Variants in KDM5C observed in about 807,000 individuals in gnomAD.
The protein encoded by KDM5C is lysine demethylase 5C.
KDM5C carries 16 observed loss-of-function variants against 110.6 expected under a neutral mutation model. The ratio of observed to expected loss-of-function variants is 0.14; its 90% confidence interval spans 0.10 to 0.22. KDM5C has a LOEUF of 0.22. Ranked by LOEUF, KDM5C falls within the 10% of genes least tolerant of loss-of-function variation. The pLI, the probability that KDM5C is intolerant of heterozygous loss-of-function variation, is 1.00. For missense variants in KDM5C, 681 were observed against 1,300.9 expected, an observed-to-expected ratio of 0.52 and a Z score of 7.33; for synonymous variants, 511 against 520.4, an observed-to-expected ratio of 0.98 and a Z score of 0.24.
chrX:53,186,964 A>G (rs1485766135), downstream of KDM5C, among the ~76,000 whole-genome samples: 1 of 112,558 alleles, frequency 8.9e-6, no homozygotes, highest in Non-Finnish European at 1.9e-5. Context: ...CACGTCCCAC[A>G]TAAATAAGCA....
At chrX:53,210,008 A>C (rs2073510927) in intron 12 of KDM5C, among the ~76,000 whole-genome samples, 1 of 112,433 alleles carries the variant, frequency 8.9e-6, no homozygotes, top group South Asian at 3.7e-4. Flanking sequence ...TTGACCATCC[A>C]AAATAAGAAT....
At chrX:53,207,348 G>A (rs2073376245) in intron 12 of KDM5C, among the ~76,000 whole-genome samples, 1 of 111,088 alleles carries the variant, frequency 9.0e-6, no homozygotes, top group Non-Finnish European at 1.9e-5. Context: ...GCATTCTTTT[G>A]TTTCGTACTA....
chrX:53,199,585 C>T (rs1376670909), intron 14 of KDM5C, among the ~76,000 whole-genome samples: 4 of 111,580 alleles, frequency 3.6e-5, no homozygotes, highest in Non-Finnish European at 7.5e-5. Flanking sequence ...CCAGGCACCA[C>T]GCTGGCCACT....
rs781910906 is a variant in KDM5C at position 53,192,835 on chromosome X, G to C, written c.*132C>G. 66 of 1,091,199 alleles carry C rather than the reference G, an allele frequency of 6.0e-5. 1 individual carries two copies. The Admixed American group carries it at 1.5e-3, about 24-fold the overall frequency. 89.9% of individuals were successfully genotyped at this position (1,091,199 alleles called of 1,213,427 possible). A position where few individuals can be genotyped will look rare whatever the true frequency, so the allele number is the denominator to read the frequency against. Reference sequence around the variant, plus strand: ...CAGAATACAAAAGTCAAGGGACTCAGGGGTGGGCGGGTAGCAGGGATGGCC... The same window carrying C: ...CAGAATACAAAAGTCAAGGGACTCACGGGTGGGCGGGTAGCAGGGATGGCC... On this transcript the variant is annotated 3_prime_UTR_variant, in exon 26 of 26. Transcript: ENST00000375401.
chrX:53,199,753 CA>C (rs1556840736), intron 14 of KDM5C, among the ~76,000 whole-genome samples: 1 of 112,131 alleles, frequency 8.9e-6, no homozygotes, highest in Non-Finnish European at 1.9e-5. Context: ...AAAGAAAAAG[CA>C]ATCCATTTCA....
Position 53,196,925 on chromosome X carries a change from C to T in KDM5C, c.2742G>A (p.Glu914=). The part of the protein sequence containing the change: ...LLERGRQLGV[E]VPEAQQLQRQ... The stretch of plus-strand genomic sequence containing the variant: ...GCTGGAGCTGCTGGGCCTCAGGCAC[C>T]TCCACCCCCAGCTGCCGCCCCCTCT... Residue 914 remains glutamate, a synonymous_variant, in exon 19 of 26, where the codon GAG becomes GAA. Coordinates refer to ENST00000375401, the MANE Select transcript of KDM5C (RefSeq NM_004187.5). 8.3e-7 allele frequency: 1 copy of T among 1,201,035 alleles called. No individual in the cohort carries two copies. Among genetic ancestry groups the T allele is most frequent in the Non-Finnish European group, 1.1e-6 (1 of 889,736 alleles).
Position 53,192,868 on chromosome X carries a change from T to TCCCCCCCCCCCC in KDM5C, c.*98_*99insGGGGGGGGGGGG. ...CGGGTAGCAGGGATGGCCACCCCCC[T>TCCCCCCCCCCCC]ACCCGCCCACCCCCCAAGAAGCAGG... On this transcript the variant is annotated 3_prime_UTR_variant, in exon 26 of 26. Coordinates refer to ENST00000375401, the MANE Select transcript of KDM5C (RefSeq NM_004187.5). 1.2e-5 allele frequency: 2 copies of TCCCCCCCCCCCC among 163,418 alleles called. No individual in the cohort carries two copies. The highest frequency in any genetic ancestry group is 1.9e-5 in the Non-Finnish European group (2 of 107,436). 13.5% of individuals were successfully genotyped at this position (163,418 alleles called of 1,213,427 possible).
At chrX:53,190,706 A>G (rs1444030845), downstream of KDM5C, among the ~76,000 whole-genome samples, 7 of 111,770 alleles carry the variant, frequency 6.3e-5, no homozygotes, top group African/African-American at 1.9e-4. Flanking sequence ...TAGGGTCCCA[A>G]CTGGAAGACT....
At position 53,192,805 on chromosome X, in the gene KDM5C, G is replaced by A; in HGVS notation, c.*162C>T. The A allele has an allele frequency of 1.7e-6, 2 of 1,146,535 alleles. No homozygotes were observed. The highest frequency in any genetic ancestry group is 1.2e-6 in the Non-Finnish European group (1 of 859,852). 94.5% of individuals were successfully genotyped at this position (1,146,535 alleles called of 1,213,427 possible). ...GGAGCTGAGGTCTGAACAATACCTT[G>A]GAGTCAGAATACAAAAGTCAAGGGA... On this transcript the variant is annotated 3_prime_UTR_variant, in exon 26 of 26. Coordinates refer to ENST00000375401, the MANE Select transcript of KDM5C (RefSeq NM_004187.5).
chrX:53,207,541 T>C, intron 12 of KDM5C, among the ~76,000 whole-genome samples: 1 of 112,499 alleles, frequency 8.9e-6, no homozygotes, highest in South Asian at 3.6e-4. Context: ...TGTCAAATTT[T>C]ACATAGAAAA....
At chrX:53,181,174 T>G (rs782772326) in intron 25 of KDM5C, among the ~76,000 whole-genome samples, 1 of 110,239 alleles carries the variant, frequency 9.1e-6, no homozygotes, top group African/African-American at 3.3e-5. Flanking sequence ...TTAAGTAATC[T>G]TTTTATCTCT....
intron 2 of KDM5C, chrX:53,218,710 GAACT>G (rs2073818182): frequency 2.6e-6 from 1 of 383,104 alleles, no homozygotes; most frequent in Non-Finnish European, 4.8e-6. Flanking sequence ...TGAGTAGCTG[GAACT>G]ATAGGCGCAC....
intron 12 of KDM5C, among the ~76,000 whole-genome samples, chrX:53,207,294 T>G (rs1395048350): frequency 1.8e-5 from 2 of 111,400 alleles, no homozygotes; most frequent in East Asian, 5.5e-4. Flanking sequence ...ATATTACCAT[T>G]TCTATGTGTA....
At chrX:53,204,796 C>T (rs1182935285) in intron 12 of KDM5C, among the ~76,000 whole-genome samples, 1 of 111,774 alleles carries the variant, frequency 8.9e-6, no homozygotes, top group African/African-American at 3.3e-5. Flanking sequence ...GCACCCGGCC[C>T]TCACAGCTTC....
At chrX:53,223,695 A>G (rs1473727374) in intron 1 of KDM5C, among the ~76,000 whole-genome samples, 4 of 112,113 alleles carry the variant, frequency 3.6e-5, no homozygotes, top group Non-Finnish European at 1.9e-5. Context: ...AGCCAGGCCT[A>G]GGAGGAAAGC....
Position 53,224,943 on chromosome X carries a change from C to T in KDM5C, c.-54G>A, listed in dbSNP as rs1301858067. 5 of 1,134,437 alleles carry T rather than the reference C, an allele frequency of 4.4e-6. No individual in the cohort carries two copies. The highest frequency in any genetic ancestry group is 5.9e-6 in the Non-Finnish European group (5 of 851,422). 93.5% of individuals were successfully genotyped at this position (1,134,437 alleles called of 1,213,427 possible). ...GGGAGGCTTGGACCGCCCTTAAGGA[C>T]TCATGGCGCCGCCGCTGTTTGAAGC... On this transcript the variant is annotated 5_prime_UTR_variant, in exon 1 of 26. Transcript: ENST00000375401.
chrX:53,220,559 G>T (rs1556854171), intron 2 of KDM5C, among the ~76,000 whole-genome samples: 1 of 112,346 alleles, frequency 8.9e-6, no homozygotes, highest in African/African-American at 3.2e-5. Context: ...TAGTTTACAG[G>T]GGAGTTTCAG....
At chrX:53,208,390 T>C (rs1556846816) in intron 12 of KDM5C, among the ~76,000 whole-genome samples, 1 of 89,761 alleles carries the variant, frequency 1.1e-5, no homozygotes, top group African/African-American at 4.4e-5. Context: ...CTTCTGCATA[T>C]GTATATATAC....
At chrX:53,176,283 G>A (rs184226494), downstream of KDM5C, among the ~76,000 whole-genome samples, 2 of 111,993 alleles carry the variant, frequency 1.8e-5, no homozygotes, top group East Asian at 5.6e-4. Flanking sequence ...AATATTGCCA[G>A]GGAAGAACAG....
Sources: allele counts gnomAD v4.1 joint callset (sites outside exome capture counted in the v4.1 genomes callset), GRCh38; gene constraint gnomAD v4.1.1; transcripts MANE v1.5; gene names NCBI Gene and HGNC (gene_info 2026-07-23, HGNC 2026-07-21).